Variants in CACNB4 observed in about 807,000 individuals in gnomAD.
CACNB4 encodes voltage-dependent L-type calcium channel subunit beta-4.
Under a neutral mutation model 71.2 loss-of-function variants are expected in CACNB4, and 32 were observed. The ratio of observed to expected loss-of-function variants is 0.45; its 90% confidence interval spans 0.34 to 0.60. CACNB4 has a LOEUF of 0.60. Ranked by LOEUF, CACNB4 falls within the 20% of genes least tolerant of loss-of-function variation. The probability of loss-of-function intolerance (pLI) is 0.01; values close to 1 mark genes in which losing one functional copy is unlikely to be tolerated. For synonymous variants in CACNB4, 231 were observed against 236.9 expected (o/e 0.97, Z 0.23); for missense variants, 464 against 647.9 (o/e 0.72, Z 3.08).
chr2:152,027,079 G>C (rs72998962), intron 2 of CACNB4, among the ~76,000 whole-genome samples: 1 of 151,982 alleles, frequency 6.6e-6, no homozygotes, highest in Non-Finnish European at 1.5e-5. Flanking sequence ...GCTAATTTTC[G>C]TATTTTTAGT....
At chr2:151,962,473 A>C (rs2099869914) in intron 2 of CACNB4, among the ~76,000 whole-genome samples, 1 of 152,242 alleles carries the variant, frequency 6.6e-6, no homozygotes, top group Non-Finnish European at 1.5e-5. Context: ...ACCTTTTAAA[A>C]AATATTGCTA....
At position 151,892,112 on chromosome 2, in the gene CACNB4, G is replaced by A. The variant is rs998869914; in HGVS notation, c.148-8742C>T. On this transcript the variant is annotated intron_variant, in intron 2 of 13. Transcript: ENST00000539935. The stretch of plus-strand genomic sequence containing the variant: ...TCAGAAAATCCTGAATATGCTGCTG[G>A]TAGAAGCAGTGCTGCATACTGATGA... Among the ~76,000 whole-genome samples the A allele has an allele frequency of 3.9e-5, 6 of 152,162 alleles. No homozygotes were observed. The South Asian group carries it at 6.2e-4, about 16-fold the overall frequency.
Position 151,954,054 on chromosome 2 carries a change from C to A in CACNB4, c.148-70684G>T, listed in dbSNP as rs527418622. On this transcript the variant is annotated intron_variant, in intron 2 of 13. Transcript: ENST00000539935. ...ATGCCTCCCATCTTAACATGAATGACCATGGGGATACAAGGACACATACCT... is the reference window on the plus strand; with the variant it reads ...ATGCCTCCCATCTTAACATGAATGAACATGGGGATACAAGGACACATACCT... Among the ~76,000 whole-genome samples the A allele has an allele frequency of 4.0e-4, 61 of 152,302 alleles. 1 individual carries two copies. Among genetic ancestry groups the A allele is most frequent in the Admixed American group, 4.0e-3 (61 of 15,298 alleles).
chr2:152,003,836 A>C (rs372715473), intron 2 of CACNB4, among the ~76,000 whole-genome samples: 11 of 152,102 alleles, frequency 7.2e-5, no homozygotes, highest in African/African-American at 2.7e-4. Flanking sequence ...AATTAATAAA[A>C]AAAAAAACCT....
intron 2 of CACNB4, among the ~76,000 whole-genome samples, chr2:151,951,000 A>G (rs1309831987): frequency 6.6e-6 from 1 of 152,154 alleles, no homozygotes; most frequent in African/African-American, 2.4e-5. Context: ...GCTGGAGTGC[A>G]GTGGCACAAT....
At chr2:152,004,538 C>T (rs755974285) in intron 2 of CACNB4, among the ~76,000 whole-genome samples, 16,657 of 83,282 alleles carry the variant, frequency 0.2, 1,527 homozygotes, top group East Asian at 0.59. Context: ...TACATACACA[C>T]ACACACACAC....
chr2:151,962,186 T>C (rs764565898), intron 2 of CACNB4, among the ~76,000 whole-genome samples: 6 of 152,208 alleles, frequency 3.9e-5, no homozygotes, highest in Admixed American at 3.9e-4. Context: ...GCTGTATCCA[T>C]CCACAGGGAA....
At chr2:152,070,733 C>T (rs1394619657) in intron 2 of CACNB4, among the ~76,000 whole-genome samples, 1 of 152,212 alleles carries the variant, frequency 6.6e-6, no homozygotes, top group Non-Finnish European at 1.5e-5. Context: ...CCAATTGGCA[C>T]ATCCTAATCT....
At chr2:151,971,515 G>C (rs374251704) in intron 2 of CACNB4, 6 of 702,798 alleles carry the variant, frequency 8.5e-6, no homozygotes, top group Middle Eastern at 2.3e-4. Context: ...CGAGAGCTCT[G>C]CTTCCATCTG....
chr2:151,918,100 C>T (rs2099858021), intron 2 of CACNB4, among the ~76,000 whole-genome samples: 3 of 152,154 alleles, frequency 2.0e-5, no homozygotes, highest in Admixed American at 2.0e-4. Context: ...ACAACAGCCA[C>T]CCTCAACCAT....
Position 151,835,930 on chromosome 2 carries a change from T to C in CACNB4, c.*3189A>G, listed in dbSNP as rs997215081. ...TAAAGACTAACTGCAATGACTTATA[T>C]AGTCACAAAATTAAGACTCTTATTA... On this transcript the variant is annotated 3_prime_UTR_variant, in exon 14 of 14. Coordinates refer to ENST00000539935, the MANE Select transcript of CACNB4 (RefSeq NM_000726.5). 6.6e-6 allele frequency: 1 copy of C among 151,894 alleles called. No individual in the cohort carries two copies. Among genetic ancestry groups the C allele is most frequent in the Admixed American group, 6.6e-5 (1 of 15,242 alleles). The allele number at this position is 151,894 out of a possible 1,614,324, so 9.4% of individuals were successfully genotyped here.
chr2:151,855,953 C>T (rs1384692027), intron 10 of CACNB4, among the ~76,000 whole-genome samples: 1 of 150,870 alleles, frequency 6.6e-6, no homozygotes, highest in African/African-American at 2.4e-5. Context: ...GATTTAAGTA[C>T]GAAAGCCAAT....
At chr2:152,047,145 C>T (rs983054154) in intron 2 of CACNB4, among the ~76,000 whole-genome samples, 2 of 152,186 alleles carry the variant, frequency 1.3e-5, no homozygotes, top group Non-Finnish European at 2.9e-5. Flanking sequence ...AATAGTCACC[C>T]AAGTACATTA....
chr2:151,889,279 G>C (rs1559940412), intron 2 of CACNB4, among the ~76,000 whole-genome samples: 2 of 151,968 alleles, frequency 1.3e-5, no homozygotes, highest in South Asian at 4.2e-4. Flanking sequence ...GACCAGCCTG[G>C]CCAATGTGGT....
chr2:151,994,897 G>A (rs992413462), intron 2 of CACNB4, among the ~76,000 whole-genome samples: 10 of 151,982 alleles, frequency 6.6e-5, no homozygotes, highest in Non-Finnish European at 1.3e-4. Context: ...GCCTCCCAAA[G>A]TACTGAGATC....
At chr2:151,842,825 G>A (rs1264808651) in intron 12 of CACNB4, among the ~76,000 whole-genome samples, 1 of 152,158 alleles carries the variant, frequency 6.6e-6, no homozygotes, top group African/African-American at 2.4e-5. Context: ...TTTGGGCAAT[G>A]ACCACATCAA....
At chr2:152,058,330 T>C (rs1254632672) in intron 2 of CACNB4, among the ~76,000 whole-genome samples, 1 of 152,118 alleles carries the variant, frequency 6.6e-6, no homozygotes, top group Non-Finnish European at 1.5e-5. Context: ...TGGAACTGGG[T>C]AATGGGCAGA....
intron 10 of CACNB4, chr2:151,859,229 A>G (rs986424723): frequency 5.3e-5 from 8 of 152,244 alleles, no homozygotes; most frequent in Admixed American, 4.6e-4. Flanking sequence ...TCTTGTTTAC[A>G]CTAACATGCC....
chr2:152,033,496 C>T (rs187260995), intron 2 of CACNB4, among the ~76,000 whole-genome samples: 4 of 152,298 alleles, frequency 2.6e-5, no homozygotes, highest in African/African-American at 9.6e-5. Context: ...CTTTCTAGCA[C>T]GTGAAGATCC....
Sources: allele counts gnomAD v4.1 joint callset (sites outside exome capture counted in the v4.1 genomes callset), GRCh38; gene constraint gnomAD v4.1.1; transcripts MANE v1.5; gene names NCBI Gene and HGNC (gene_info 2026-07-23, HGNC 2026-07-21).